The following EBPL variants were observed in gnomAD, a reference collection of about 807,000 sequenced individuals.
EBPL encodes the protein EBP like, also known as emopamil-binding protein-like.
A neutral mutation model predicts 19.0 loss-of-function variants in EBPL; 20 were observed. That is an observed-to-expected ratio of 1.05 (90% confidence interval 0.74 to 1.53). The LOEUF is 1.53. Among genes scored for constraint, EBPL ranks in the 40% most tolerant of loss-of-function variants. The pLI is 0.00. For missense variants in EBPL, 219 were observed against 261.1 expected (o/e 0.84, Z 1.11); for synonymous variants, 107 against 117.0 (o/e 0.91, Z 0.55).
At chr13:49,686,713 GA>G in intron 1 of EBPL, 1 of 991,694 alleles carries the variant, frequency 1.0e-6, no homozygotes, top group Non-Finnish European at 1.3e-6. Context: ...CCCCAACTCA[GA>G]AAAGAATTCC....
chr13:49,668,502 A>T (rs1953769534), intron 2 of EBPL: 1 of 283,888 alleles, frequency 3.5e-6, no homozygotes, highest in Admixed American at 5.0e-5. Flanking sequence ...TGAACCTGGG[A>T]GGCGGAGCTT....
At position 49,669,636 on chromosome 13, in the gene EBPL, T is replaced by A. The variant is rs562927343; in HGVS notation, c.241+141A>T. On this transcript the variant is annotated intron_variant, in intron 2 of 3. Coordinates refer to ENST00000242827, the MANE Select transcript of EBPL (RefSeq NM_032565.5). Reference sequence around the variant, plus strand: ...ACCCTCATTCCCACGCAACCAGTAATCTACAGTATCTCTACAGACTCACCT... The same window carrying A: ...ACCCTCATTCCCACGCAACCAGTAAACTACAGTATCTCTACAGACTCACCT... 115 of 636,844 alleles carry A rather than the reference T, an allele frequency of 1.8e-4. No individual in the cohort carries two copies. In the African/African-American group the frequency reaches 1.9e-3, roughly 11 times the overall value. The allele number at this position is 636,844 out of a possible 1,614,324, so 39.4% of individuals were successfully genotyped here.
intron 1 of EBPL, among the ~76,000 whole-genome samples, chr13:49,687,960 T>C (rs1265064047): frequency 1.3e-5 from 2 of 152,202 alleles, no homozygotes; most frequent in Non-Finnish European, 2.9e-5. Flanking sequence ...AATACAATTC[T>C]TACCTGTCAC....
rs559344024 is a variant in EBPL, at chr13:49,680,347, A to T, written c.172-10501T>A. On this transcript the variant is annotated intron_variant, in intron 1 of 3. Transcript: ENST00000242827. The stretch of plus-strand genomic sequence containing the variant: ...ACTCAGTACATAAACGTAAAGTGAC[A>T]TGAGGTCCAGATCACTTTCCAGTAC... Among the ~76,000 whole-genome samples the T allele has an allele frequency of 4.2e-3, 642 of 152,320 alleles. 2 individuals carry two copies. Among genetic ancestry groups the T allele is most frequent in the Non-Finnish European group, 7.7e-3 (521 of 68,018 alleles).
At chr13:49,682,913 A>G (rs556989746) in intron 1 of EBPL, among the ~76,000 whole-genome samples, 1 of 152,182 alleles carries the variant, frequency 6.6e-6, no homozygotes, top group African/African-American at 2.4e-5. Flanking sequence ...TCCTTGGATG[A>G]TGGTCAGACT....
chr13:49,684,654 G>A (rs115648418), intron 1 of EBPL, among the ~76,000 whole-genome samples: 3,111 of 152,242 alleles, frequency 0.02, 43 homozygotes, highest in South Asian at 0.029. Flanking sequence ...CAGCCTGGGC[G>A]AACAGAGTGA....
At chr13:49,678,080 T>C (rs1276336816) in intron 1 of EBPL, among the ~76,000 whole-genome samples, 1 of 152,244 alleles carries the variant, frequency 6.6e-6, no homozygotes, top group Non-Finnish European at 1.5e-5. Context: ...TTCCCTTATC[T>C]GACCCCACCC....
intron 2 of EBPL, among the ~76,000 whole-genome samples, chr13:49,663,771 A>G (rs1021879898): frequency 6.7e-6 from 1 of 150,052 alleles, no homozygotes; most frequent in African/African-American, 2.5e-5. Flanking sequence ...CCCTGTCTCT[A>G]CTAAAAATAC....
chr13:49,661,959 G>C, intron 3 of EBPL: 1 of 1,513,772 alleles, frequency 6.6e-7, no homozygotes, highest in Non-Finnish European at 9.0e-7. Context: ...AGGGAGGAGA[G>C]TTTATAGTCT....
chr13:49,686,309 T>C (rs921741452), intron 1 of EBPL, among the ~76,000 whole-genome samples: 5 of 152,160 alleles, frequency 3.3e-5, no homozygotes, highest in Non-Finnish European at 5.9e-5. Context: ...GAGGTGCCTC[T>C]GGAGCTACCC....
rs1462404767 is a variant in EBPL at position 49,675,877 on chromosome 13, T to A, written c.172-6031A>T. ...ACTTGTTATTTTCCTTTGTTGTTAT[T>A]GTTTTTTTTTTTTTAATAGTACTCA... On this transcript the variant is annotated intron_variant, in intron 1 of 3. Transcript: ENST00000242827. Among the ~76,000 whole-genome samples, 9 of 93,624 alleles carry A rather than the reference T, an allele frequency of 9.6e-5. No individual in the cohort carries two copies. In the Admixed American group the frequency reaches 1.1e-3, roughly 11 times the overall value. The allele number at this position is 93,624 out of a possible 152,430, so 61.4% of individuals were successfully genotyped here.
At chr13:49,670,956 A>G (rs867868510) in intron 1 of EBPL, among the ~76,000 whole-genome samples, 89 of 152,214 alleles carry the variant, frequency 5.8e-4, no homozygotes, top group Middle Eastern at 3.4e-3. Context: ...CTCTAAACAT[A>G]TTTGTTTTCC....
At chr13:49,668,725 A>G (rs946998623) in intron 2 of EBPL, among the ~76,000 whole-genome samples, 24 of 152,176 alleles carry the variant, frequency 1.6e-4, no homozygotes, top group Non-Finnish European at 3.1e-4. Context: ...ATCAATGCTA[A>G]TTGAATATTG....
rs1302687131 is a variant in EBPL, at chr13:49,691,469, G to A, written c.-45C>T. 6.3e-6 allele frequency: 8 copies of A among 1,277,814 alleles called. No homozygotes were observed. Among genetic ancestry groups the A allele is most frequent in the East Asian group, 2.9e-5 (1 of 34,134 alleles). 79.2% of individuals were successfully genotyped at this position (1,277,814 alleles called of 1,614,324 possible). A position where few individuals can be genotyped will look rare whatever the true frequency, so the allele number is the denominator to read the frequency against. ...AACGGCCCAGGACCATGCGGCAGAGGAAAGCAGGGAGAGAAACGACGGGGC... is the reference window on the plus strand; with the variant it reads ...AACGGCCCAGGACCATGCGGCAGAGAAAAGCAGGGAGAGAAACGACGGGGC... On this transcript the variant is annotated 5_prime_UTR_variant, in exon 1 of 4. Transcript: ENST00000242827.
At chr13:49,689,829 T>C (rs1954040385) in intron 1 of EBPL, among the ~76,000 whole-genome samples, 1 of 152,200 alleles carries the variant, frequency 6.6e-6, no homozygotes, top group Non-Finnish European at 1.5e-5. Context: ...TGGGAAACCT[T>C]GTGTTCAAGT....
intron 1 of EBPL, among the ~76,000 whole-genome samples, chr13:49,680,247 T>G (rs11839475): frequency 0.26 from 39,584 of 152,134 alleles, 5,606 homozygotes; most frequent in Non-Finnish European, 0.32. Flanking sequence ...AGGACTCCTG[T>G]ACTGTCATTT....
chr13:49,686,235 T>C (rs1356341986), intron 1 of EBPL, among the ~76,000 whole-genome samples: 3 of 152,296 alleles, frequency 2.0e-5, no homozygotes, highest in Non-Finnish European at 4.4e-5. Flanking sequence ...CTTTTACCCT[T>C]CTTCGGCCAT....
At chr13:49,675,941 A>G (rs1165804156) in intron 1 of EBPL, among the ~76,000 whole-genome samples, 1 of 149,760 alleles carries the variant, frequency 6.7e-6, no homozygotes, top group Non-Finnish European at 1.5e-5. Flanking sequence ...TGTGGTTTTG[A>G]TTTGCATTTC....
At chr13:49,670,378 T>C (rs1002145998) in intron 1 of EBPL, among the ~76,000 whole-genome samples, 4 of 152,224 alleles carry the variant, frequency 2.6e-5, no homozygotes, top group Non-Finnish European at 4.4e-5. Flanking sequence ...GGTAATAAAA[T>C]ATCTGCAATT....
Sources: gnomAD v4.1 joint callset for allele counts (sites outside exome capture counted in the v4.1 genomes callset) on GRCh38, gnomAD v4.1.1 for gene constraint, MANE v1.5 for transcripts, NCBI Gene and HGNC (gene_info 2026-07-23, HGNC 2026-07-21) for gene names.